Variants in AKR1C3 observed in about 807,000 individuals in gnomAD.
The protein encoded by AKR1C3 is 3-alpha hydroxysteroid dehydrogenase, type II.
In AKR1C3, 48 loss-of-function variants were observed where a neutral mutation model predicts 43.6. The observed-to-expected ratio is 1.10, with a 90% CI of 0.87 to 1.40. The LOEUF (loss-of-function observed/expected upper bound fraction) is 1.40. Ranked by LOEUF, AKR1C3 falls within the 40% of genes most tolerant of loss-of-function variation. AKR1C3 has a pLI of 0.00. For missense variants in AKR1C3, 482 were observed against 391.2 expected, an observed-to-expected ratio of 1.23 and a Z score of -1.96; for synonymous variants, 162 against 139.6, an observed-to-expected ratio of 1.16 and a Z score of -1.13.
intron 1 of AKR1C3, among the ~76,000 whole-genome samples, chr10:5,087,211 G>T (rs1249816852): frequency 6.6e-6 from 1 of 152,070 alleles, no homozygotes; most frequent in African/African-American, 2.4e-5. Context: ...GGTACCGTTT[G>T]TTCCTTTCCA....
chr10:5,081,860 G>C (rs1838844979), intron 1 of AKR1C3: 1 of 152,160 alleles, frequency 6.6e-6, no homozygotes, highest in Non-Finnish European at 1.5e-5. Flanking sequence ...TCAGCCCCAT[G>C]GGGAAGAGGA....
chr10:5,061,490 A>T (rs1838382177), intron 1 of AKR1C3, among the ~76,000 whole-genome samples: 1 of 152,196 alleles, frequency 6.6e-6, no homozygotes, highest in Non-Finnish European at 1.5e-5. Context: ...ACACAGCCAG[A>T]AGAAATGATT....
In AKR1C3 at chr10:5,105,586, T is replaced by C; in HGVS notation, c.847-9T>C. 1 of 1,610,426 alleles carries C rather than the reference T, an allele frequency of 6.2e-7. No individual in the cohort carries two copies. The highest frequency in any genetic ancestry group is 8.5e-7 in the Non-Finnish European group (1 of 1,177,742). ...TCTAAAAATAATAAAAGTTTTTTAT[T>C]TCTGATAGGTTTTTGAGTTCCAGTT... On this transcript the variant is annotated splice_polypyrimidine_tract_variant and intron_variant, in intron 7 of 8. Coordinates refer to ENST00000380554, the MANE Select transcript of AKR1C3 (RefSeq NM_003739.6).
At chr10:5,066,386 G>T (rs1354517437) in intron 1 of AKR1C3, among the ~76,000 whole-genome samples, 3 of 152,104 alleles carry the variant, frequency 2.0e-5, no homozygotes, top group African/African-American at 7.2e-5. Flanking sequence ...GGGCCTTAGT[G>T]CCACTCTCAG....
intron 1 of AKR1C3, among the ~76,000 whole-genome samples, chr10:5,053,081 C>T (rs1838185472): frequency 6.6e-6 from 1 of 151,774 alleles, no homozygotes; most frequent in African/African-American, 2.4e-5. Flanking sequence ...CAGCTGGCTT[C>T]ACCCAGTGGA....
intron 1 of AKR1C3, among the ~76,000 whole-genome samples, chr10:5,085,949 A>G (rs1184628011): frequency 6.6e-6 from 1 of 151,656 alleles, no homozygotes; most frequent in Non-Finnish European, 1.5e-5. Context: ...TATTGCGTCT[A>G]TTTGATTCTT....
intron 1 of AKR1C3, among the ~76,000 whole-genome samples, chr10:5,079,300 C>T (rs553392615): frequency 9.9e-5 from 15 of 152,060 alleles, no homozygotes; most frequent in Admixed American, 3.3e-4. Flanking sequence ...TGCAATAAAA[C>T]AAAATGTGCC....
intron 1 of AKR1C3, among the ~76,000 whole-genome samples, chr10:5,050,604 T>C (rs1390875697): frequency 6.6e-6 from 1 of 152,208 alleles, no homozygotes; most frequent in African/African-American, 2.4e-5. Flanking sequence ...CCATTGTTGA[T>C]ATTTTATTAA....
At chr10:5,081,380 G>A (rs782114528) in intron 1 of AKR1C3, among the ~76,000 whole-genome samples, 35 of 152,266 alleles carry the variant, frequency 2.3e-4, no homozygotes, top group African/African-American at 4.1e-4. Flanking sequence ...CAGTTGGGCC[G>A]CAGTGGCCAT....
intron 1 of AKR1C3, chr10:5,048,996 A>G: frequency 1.1e-6 from 1 of 901,954 alleles, no homozygotes. Context: ...ATTACTCTGC[A>G]TGACTCCAAC....
At chr10:5,089,721 T>C (rs1554783869), upstream of AKR1C3, among the ~76,000 whole-genome samples, 1 of 152,158 alleles carries the variant, frequency 6.6e-6, no homozygotes, top group African/African-American at 2.4e-5. Flanking sequence ...TTGAATTCTA[T>C]ACCTGACGTT....
At chr10:5,052,431 C>T (rs1172502203) in intron 1 of AKR1C3, among the ~76,000 whole-genome samples, 8 of 152,190 alleles carry the variant, frequency 5.3e-5, no homozygotes, top group African/African-American at 1.7e-4. Context: ...TTATCTGGCC[C>T]CACCCACATC....
chr10:5,086,552 A>G (rs1257010196), intron 1 of AKR1C3, among the ~76,000 whole-genome samples: 2 of 151,710 alleles, frequency 1.3e-5, no homozygotes, highest in African/African-American at 2.4e-5. Context: ...TGTATGTTCT[A>G]TTGATTTGGG....
intron 1 of AKR1C3, among the ~76,000 whole-genome samples, chr10:5,057,242 C>T (rs1838279725): frequency 6.6e-6 from 1 of 152,174 alleles, no homozygotes; most frequent in Admixed American, 6.5e-5. Context: ...ACAGGCCCTA[C>T]CAGGTGATGG....
chr10:5,073,337 T>C (rs56166478), intron 1 of AKR1C3, among the ~76,000 whole-genome samples: 1 of 152,180 alleles, frequency 6.6e-6, no homozygotes, highest in Non-Finnish European at 1.5e-5. Context: ...GGCAGGAGAT[T>C]TCATTTTTAA....
At chr10:5,084,410 G>A (rs1226269185) in intron 1 of AKR1C3, among the ~76,000 whole-genome samples, 17 of 151,086 alleles carry the variant, frequency 1.1e-4, no homozygotes, top group Admixed American at 1.1e-3. Context: ...TATTTCTGAG[G>A]GCTCTGTTCT....
At chr10:5,057,025 G>A (rs1838275590) in intron 1 of AKR1C3, among the ~76,000 whole-genome samples, 2 of 152,092 alleles carry the variant, frequency 1.3e-5, no homozygotes, top group Admixed American at 6.5e-5. Context: ...GCTCAGTGAG[G>A]GTGAAGACAT....
intron 1 of AKR1C3, 88 bp downstream of exon 1, chr10:5,094,616 C>T (rs1839168054): frequency 2.1e-6 from 3 of 1,410,814 alleles, no homozygotes; most frequent in East Asian, 4.6e-5. Flanking sequence ...GTTCGTGTTC[C>T]TACCTTACTC....
At chr10:5,092,402 T>C (rs1182024211), upstream of AKR1C3, among the ~76,000 whole-genome samples, 2 of 151,924 alleles carry the variant, frequency 1.3e-5, no homozygotes, top group African/African-American at 2.4e-5. Flanking sequence ...TGCTTCTCCT[T>C]CTCAGAATCC....
Sources: gnomAD v4.1 joint callset for allele counts (sites outside exome capture counted in the v4.1 genomes callset) on GRCh38, gnomAD v4.1.1 for gene constraint, MANE v1.5 for transcripts, NCBI Gene and HGNC (gene_info 2026-07-23, HGNC 2026-07-21) for gene names.